HNRNPR: variants seen among roughly 807,000 people sequenced by gnomAD.
The protein encoded by HNRNPR is heterogeneous nuclear ribonucleoprotein R.
Under a neutral mutation model 70.3 loss-of-function variants are expected in HNRNPR, and 4 were observed. The observed-to-expected ratio is 0.06, with a 90% CI of 0.03 to 0.13. The LOEUF is 0.13. Ranked by LOEUF, HNRNPR falls within the 10% of genes least tolerant of loss-of-function variation. The pLI is 1.00. For missense variants in HNRNPR, 423 were observed against 788.5 expected, an observed-to-expected ratio of 0.54 and a Z score of 5.55; for synonymous variants, 241 against 267.6, an observed-to-expected ratio of 0.90 and a Z score of 0.97.
chr1:23,312,797 T>G (rs1009258974), intron 9 of HNRNPR, among the ~76,000 whole-genome samples: 1 of 152,172 alleles, frequency 6.6e-6, no homozygotes. Flanking sequence ...CCTGTGTCAC[T>G]AAGCATTCTG....
chr1:23,323,914 G>A (rs530057309), intron 5 of HNRNPR, among the ~76,000 whole-genome samples, 182 bp from the exon 6 acceptor site: 91 of 151,988 alleles, frequency 6.0e-4, no homozygotes, highest in Admixed American at 1.6e-3. Context: ...TGACCTTAGG[G>A]TTATCAAAGA....
intron 9 of HNRNPR, among the ~76,000 whole-genome samples, chr1:23,312,707 G>A (rs984739747): frequency 2.0e-5 from 3 of 152,034 alleles, no homozygotes; most frequent in Non-Finnish European, 4.4e-5. Context: ...GCAGTAGCCT[G>A]GGCAAAAAAC....
chr1:23,336,116 CAAAA>C, intron 4 of HNRNPR, among the ~76,000 whole-genome samples: 1 of 49,486 alleles, frequency 2.0e-5, no homozygotes, highest in South Asian at 6.6e-4. Flanking sequence ...GACTCCGTCT[CAAAA>C]AAAAAAAAAA....
chr1:23,328,965 T>C (rs890038241), intron 5 of HNRNPR, among the ~76,000 whole-genome samples: 1 of 152,054 alleles, frequency 6.6e-6, no homozygotes, highest in African/African-American at 2.4e-5. Flanking sequence ...TAAAAAAATT[T>C]AAAAAATTGG....
Position 23,337,823 on chromosome 1 carries a change from G to A in HNRNPR, c.315C>T (p.Tyr105=), listed in dbSNP as rs2148481894. 2 of 1,613,132 alleles carry A rather than the reference G, an allele frequency of 1.2e-6. No individual in the cohort carries two copies. Among genetic ancestry groups the A allele is most frequent in the South Asian group, 1.1e-5 (1 of 90,986 alleles). Residue 105 remains tyrosine (Y), a synonymous_variant, in exon 4 of 11, where the codon TAC becomes TAT. Coordinates refer to ENST00000302271, the MANE Select transcript of HNRNPR (RefSeq NM_005826.5). The stretch of plus-strand genomic sequence containing the variant: ...TGCTCCCCTGTTTCTCTCTCTGCCT[G>A]TAGGTCTTCATAACTCCACATAAAA... ...SAFLCGVMKT[Y]RQREKQGSKV...
intron 5 of HNRNPR, among the ~76,000 whole-genome samples, chr1:23,326,186 C>T (rs1645967116): frequency 6.6e-6 from 1 of 150,580 alleles, no homozygotes; most frequent in South Asian, 2.2e-4. Context: ...GTTTTGAACA[C>T]GCCATCCGTA....
chr1:23,318,377 TA>T lies in HNRNPR; in HGVS notation c.1017+105del. The T allele has an allele frequency of 1.0e-6, 1 of 967,608 alleles. No individual in the cohort carries two copies. Among genetic ancestry groups the T allele is most frequent in the Non-Finnish European group, 1.6e-6 (1 of 638,560 alleles). 59.9% of individuals were successfully genotyped at this position (967,608 alleles called of 1,614,324 possible). A position where few individuals can be genotyped will look rare whatever the true frequency, so the allele number is the denominator to read the frequency against. On this transcript the variant is annotated intron_variant, in intron 8 of 10. Transcript: ENST00000302271. The surrounding 1 kb of genome is among the most constrained non-coding windows in gnomAD (Gnocchi z 4.2). ...CGCTCCTTGCCAAACAGTTGAAGTC[TA>T]AAGCTACAATTTCTATTTATCATAA...
Position 23,323,822 on chromosome 1 carries a change from C to T in HNRNPR, c.499-90G>A, listed in dbSNP as rs536673988. The T allele has an allele frequency of 9.1e-6, 9 of 986,000 alleles. No individual in the cohort carries two copies. The South Asian group carries it at 1.2e-4, about 14-fold the overall frequency. 61.1% of individuals were successfully genotyped at this position (986,000 alleles called of 1,614,324 possible). On this transcript the variant is annotated intron_variant, in intron 5 of 10. Transcript: ENST00000302271. Reference sequence around the variant, plus strand: ...TGCCTTTTTTTTTTAAAGATGGGGGCAGAAGAAGATGGTTAAGAAAGAATG... The same window carrying T: ...TGCCTTTTTTTTTTAAAGATGGGGGTAGAAGAAGATGGTTAAGAAAGAATG...
intron 5 of HNRNPR, among the ~76,000 whole-genome samples, chr1:23,328,839 T>C (rs1646101862): frequency 6.6e-6 from 1 of 152,130 alleles, no homozygotes. Flanking sequence ...CTAGTGTGGG[T>C]TGGGCATGGT....
At chr1:23,321,386 C>T (rs1408970255) in intron 7 of HNRNPR, 142 bp downstream of exon 7, 2 of 633,080 alleles carry the variant, frequency 3.2e-6, no homozygotes, top group Non-Finnish European at 5.3e-6. Flanking sequence ...ACCCAAACCA[C>T]TATAAAGCAG....
chr1:23,308,901 G>A lies in HNRNPR; in HGVS notation c.*1553C>T, dbSNP rs1434997464. On this transcript the variant is annotated 3_prime_UTR_variant, in exon 11 of 11. Transcript: ENST00000302271. ...GTATCCATTTTAATTATTCCCCAAT[G>A]GCTTCTGATATTTTTATCATTATAA... The A allele has an allele frequency of 6.6e-6, 1 of 151,950 alleles. No individual in the cohort carries two copies. The highest frequency in any genetic ancestry group is 2.4e-5 in the African/African-American group (1 of 41,384). 9.4% of individuals were successfully genotyped at this position (151,950 alleles called of 1,614,324 possible).
intron 8 of HNRNPR, among the ~76,000 whole-genome samples, chr1:23,316,309 T>A (rs1035269597): frequency 2.0e-5 from 3 of 151,608 alleles, no homozygotes; most frequent in African/African-American, 7.3e-5. Flanking sequence ...TGAGACCCCA[T>A]CTTTTAAAAA....
chr1:23,315,279 CAA>C (rs1165980444), intron 8 of HNRNPR, among the ~76,000 whole-genome samples: 9 of 35,374 alleles, frequency 2.5e-4, no homozygotes, highest in African/African-American at 4.2e-4. Context: ...GGCTCCGTCT[CAA>C]AAAAAAAAAA....
At chr1:23,333,297 A>T (rs1422381770) in intron 5 of HNRNPR, among the ~76,000 whole-genome samples, 2 of 152,172 alleles carry the variant, frequency 1.3e-5, no homozygotes, top group African/African-American at 4.8e-5. Context: ...CTGTTCCAAA[A>T]ACTCTATATT....
chr1:23,341,031 T>A lies in HNRNPR; in HGVS notation c.-9-14A>T. ...CATTTTATTATGCTGCTGGAAAAAATTCAGGAGCTATATTACATTAAGCCA... is the reference window on the plus strand; with the variant it reads ...CATTTTATTATGCTGCTGGAAAAAAATCAGGAGCTATATTACATTAAGCCA... On this transcript the variant is annotated splice_polypyrimidine_tract_variant and intron_variant, in intron 1 of 10. Coordinates refer to ENST00000302271, the MANE Select transcript of HNRNPR (RefSeq NM_005826.5). 1 of 1,598,562 alleles carries A rather than the reference T, an allele frequency of 6.3e-7. No homozygotes were observed. Among genetic ancestry groups the A allele is most frequent in the Non-Finnish European group, 8.5e-7 (1 of 1,173,454 alleles).
In HNRNPR at chr1:23,310,662, C is replaced by T. The variant is rs779558620; in HGVS notation, c.1694G>A (p.Arg565His). 1.9e-6 allele frequency: 3 copies of T among 1,613,618 alleles called. No individual in the cohort carries two copies. The highest frequency in any genetic ancestry group is 1.7e-5 in the Admixed American group (1 of 59,972). Residue 565 changes from arginine to histidine, a missense_variant, in exon 11 of 11, where the codon CGT becomes CAT. By Grantham distance (29) the Arg-to-His change is conservative. Transcript: ENST00000302271. The surrounding 1 kb of genome is among the most constrained non-coding windows in gnomAD (Gnocchi z 6.0). ...TCTCTTGCCTCCTACATTGCCCCCA[C>T]GATTGCCCCGAGATCCACGGGAACC... The part of the protein sequence containing the change: ...GRGSRGSRGN[R>H]GGNVGGKRKA...
chr1:23,317,669 T>C (rs902010551), intron 8 of HNRNPR, among the ~76,000 whole-genome samples: 1 of 151,662 alleles, frequency 6.6e-6, no homozygotes, highest in African/African-American at 2.4e-5. Context: ...ATGGGGACAA[T>C]ACACTAAGGG....
At chr1:23,333,777 GGTTCCCCATACAT>G (rs1327520754) in intron 4 of HNRNPR, 146 bp from the exon 5 acceptor site, 1 of 555,436 alleles carries the variant, frequency 1.8e-6, no homozygotes, top group Non-Finnish European at 3.2e-6. Context: ...AATTCGCACT[GGTTCCCCATACAT>G]GTTTCTACTG....
intron 5 of HNRNPR, among the ~76,000 whole-genome samples, chr1:23,330,270 C>T (rs1271435140): frequency 2.0e-5 from 3 of 151,984 alleles, no homozygotes; most frequent in East Asian, 1.9e-4. Context: ...GGCGAGGTTG[C>T]TCACTCCTGT....
Sources: allele counts gnomAD v4.1 joint callset (sites outside exome capture counted in the v4.1 genomes callset), GRCh38; gene constraint gnomAD v4.1.1; non-coding constraint Gnocchi (gnomAD v3.1); transcripts MANE v1.5; gene names NCBI Gene and HGNC (gene_info 2026-07-23, HGNC 2026-07-21).